ZSWIM6: variants seen among roughly 807,000 people sequenced by gnomAD.
ZSWIM6 encodes zinc finger SWIM-type containing 6.
ZSWIM6 carries 9 observed loss-of-function variants against 113.2 expected under a neutral mutation model. The ratio of observed to expected loss-of-function variants is 0.08; its 90% CI spans 0.05 to 0.14. The LOEUF (loss-of-function observed/expected upper bound fraction) is 0.14, where lower values mean the gene tolerates loss of function less well. Among genes scored for constraint, ZSWIM6 ranks in the 10% least tolerant of loss-of-function variants. ZSWIM6 has a pLI of 1.00. For missense variants in ZSWIM6, 1,162 were observed against 1,552.2 expected (o/e 0.75, Z 4.22); for synonymous variants, 611 against 606.5 (o/e 1.01, Z -0.11).
chr5:61,386,818 G>T (rs1042243071), intron 1 of ZSWIM6, among the ~76,000 whole-genome samples: 8 of 152,178 alleles, frequency 5.3e-5, no homozygotes, highest in Non-Finnish European at 1.0e-4. Context: ...CCTTTGTGTG[G>T]GTTTTAAAGA....
chr5:61,364,852 T>C (rs1393693848), intron 1 of ZSWIM6, among the ~76,000 whole-genome samples: 1 of 152,136 alleles, frequency 6.6e-6, no homozygotes, highest in Non-Finnish European at 1.5e-5. Flanking sequence ...CCTAACACCA[T>C]CACATTGGTA....
chr5:61,457,977 T>C (rs1747240497), intron 1 of ZSWIM6, among the ~76,000 whole-genome samples: 1 of 152,234 alleles, frequency 6.6e-6, no homozygotes, highest in Admixed American at 6.5e-5. Context: ...TTTCCCCCTC[T>C]TTAATTGCCA....
At chr5:61,527,982 G>A (rs910655273) in intron 7 of ZSWIM6, among the ~76,000 whole-genome samples, 4 of 151,938 alleles carry the variant, frequency 2.6e-5, no homozygotes, top group African/African-American at 9.7e-5. Flanking sequence ...TAACCTTTAG[G>A]TCTAGACCAT....
chr5:61,381,205 A>G (rs1745466780), intron 1 of ZSWIM6, among the ~76,000 whole-genome samples: 1 of 152,146 alleles, frequency 6.6e-6, no homozygotes, highest in African/African-American at 2.4e-5. Flanking sequence ...GTGAGCCAAG[A>G]TCGTGCCACT....
chr5:61,379,186 A>G (rs13179018), intron 1 of ZSWIM6, among the ~76,000 whole-genome samples: 5 of 77,310 alleles, frequency 6.5e-5, no homozygotes, highest in East Asian at 3.4e-4. Context: ...CCTGTCTCTG[A>G]AAAAAAAAAA....
At chr5:61,449,105 A>G (rs973653294) in intron 1 of ZSWIM6, among the ~76,000 whole-genome samples, 1 of 152,182 alleles carries the variant, frequency 6.6e-6, no homozygotes, top group Non-Finnish European at 1.5e-5. Context: ...AGTGTTTTGT[A>G]TAGTCCTGGG....
intron 1 of ZSWIM6, among the ~76,000 whole-genome samples, chr5:61,370,434 A>C (rs1301417357): frequency 6.6e-6 from 1 of 152,150 alleles, no homozygotes. Flanking sequence ...TTATTTGTAC[A>C]TTTTTATATC....
chr5:61,398,799 A>G (rs1477070091), intron 1 of ZSWIM6, among the ~76,000 whole-genome samples: 8 of 151,856 alleles, frequency 5.3e-5, no homozygotes, highest in Admixed American at 5.3e-4. Flanking sequence ...AGCAAACTGA[A>G]TTTGTGTACT....
intron 7 of ZSWIM6, among the ~76,000 whole-genome samples, chr5:61,528,919 G>A (rs1367663568): frequency 6.6e-6 from 1 of 152,134 alleles, no homozygotes; most frequent in East Asian, 1.9e-4. Flanking sequence ...ATAGTTGATT[G>A]CTTAAAACCA....
chr5:61,464,576 G>A (rs571736517), intron 1 of ZSWIM6, among the ~76,000 whole-genome samples: 7 of 152,146 alleles, frequency 4.6e-5, no homozygotes, highest in Admixed American at 2.0e-4. Context: ...AATGGTTAGC[G>A]CCAAAATGTG....
intron 11 of ZSWIM6, 106 bp from the exon 12 acceptor site, chr5:61,539,490 C>CT (rs1192478422): frequency 6.1e-6 from 8 of 1,314,692 alleles, no homozygotes; most frequent in Non-Finnish European, 6.1e-6. Context: ...TGTTTTGTTT[C>CT]TTTTTTCCCC....
At chr5:61,475,658 T>G (rs1013237250) in intron 2 of ZSWIM6, among the ~76,000 whole-genome samples, 4 of 152,196 alleles carry the variant, frequency 2.6e-5, no homozygotes, top group Non-Finnish European at 5.9e-5. Flanking sequence ...GCTGCCTTCC[T>G]GCCTTCCATT....
intron 1 of ZSWIM6, among the ~76,000 whole-genome samples, chr5:61,353,182 C>T (rs1386018965): frequency 1.3e-5 from 2 of 152,124 alleles, no homozygotes; most frequent in Admixed American, 6.5e-5. Flanking sequence ...TGAAATTTTT[C>T]AGTGTCTTGT....
At chr5:61,413,326 T>C (rs1252605523) in intron 1 of ZSWIM6, among the ~76,000 whole-genome samples, 1 of 151,906 alleles carries the variant, frequency 6.6e-6, no homozygotes, top group Non-Finnish European at 1.5e-5. Flanking sequence ...TCCAATTTCA[T>C]CCATGTCCCT....
At chr5:61,536,648 C>T (rs1173411315) in intron 10 of ZSWIM6, among the ~76,000 whole-genome samples, 1 of 152,142 alleles carries the variant, frequency 6.6e-6, no homozygotes, top group Non-Finnish European at 1.5e-5. Flanking sequence ...TTACCCTGTT[C>T]TGAAAGTATT....
intron 10 of ZSWIM6, 95 bp downstream of exon 10, chr5:61,535,714 C>A: frequency 7.0e-7 from 1 of 1,433,460 alleles, no homozygotes; most frequent in Non-Finnish European, 9.5e-7. Context: ...TTCTTATAGG[C>A]AGCAGAAAAG....
rs1226807782 is a variant in ZSWIM6, at chr5:61,332,824, G to GGGGGCC, written c.559_564dup (p.Gly187_Ala188dup). ...CCGCCGCCGCCGCCGCCGCCGCCGC[G>GGGGGCC]GGGGCCGGGGCCCCGTCGGTGGGGG... On this transcript the variant is annotated inframe_insertion, in exon 1 of 14. Coordinates refer to ENST00000252744, the MANE Select transcript of ZSWIM6 (RefSeq NM_020928.2). The GGGGGCC allele has an allele frequency of 9.3e-6, 9 of 964,362 alleles. No individual in the cohort carries two copies. Among genetic ancestry groups the GGGGGCC allele is most frequent in the Admixed American group, 6.4e-5 (1 of 15,548 alleles). 59.7% of individuals were successfully genotyped at this position (964,362 alleles called of 1,614,324 possible). A position where few individuals can be genotyped will look rare whatever the true frequency, so the allele number is the denominator to read the frequency against.
intron 3 of ZSWIM6, among the ~76,000 whole-genome samples, chr5:61,492,668 G>A (rs1158865913): frequency 6.6e-6 from 1 of 151,896 alleles, no homozygotes; most frequent in Non-Finnish European, 1.5e-5. Context: ...TTTGATATTG[G>A]GAACAAACTC....
At chr5:61,480,898 A>G (rs1203016107) in intron 2 of ZSWIM6, among the ~76,000 whole-genome samples, 1 of 152,184 alleles carries the variant, frequency 6.6e-6, no homozygotes, top group Non-Finnish European at 1.5e-5. Context: ...AACAGCAAAC[A>G]CTAAAACTGT....
Sources: gnomAD v4.1 joint callset for allele counts (sites outside exome capture counted in the v4.1 genomes callset) on GRCh38, gnomAD v4.1.1 for gene constraint, MANE v1.5 for transcripts, NCBI Gene and HGNC (gene_info 2026-07-23, HGNC 2026-07-21) for gene names.